The following RNF2 variants were observed in gnomAD, a reference collection of about 807,000 sequenced individuals.
RNF2 encodes the protein E3 ubiquitin-protein ligase RING2.
Under a neutral mutation model 37.2 loss-of-function variants are expected in RNF2, and 6 were observed. That is an observed-to-expected ratio of 0.16 (90% CI 0.09 to 0.32). RNF2 has a LOEUF of 0.32. Among genes scored for constraint, RNF2 ranks in the 10% least tolerant of loss-of-function variants. The pLI is 1.00. For missense variants in RNF2, 251 were observed against 404.0 expected (o/e 0.62, Z 3.25); for synonymous variants, 133 against 132.7 (o/e 1.00, Z -0.02).
At chr1:185,056,279 A>T (rs1441199921) in intron 1 of RNF2, among the ~76,000 whole-genome samples, 1 of 152,016 alleles carries the variant, frequency 6.6e-6, no homozygotes, top group Non-Finnish European at 1.5e-5. Flanking sequence ...GGAATAATTG[A>T]TTTAGGAAAA....
At chr1:185,070,623 G>A (rs1299001781) in intron 1 of RNF2, among the ~76,000 whole-genome samples, 3 of 150,866 alleles carry the variant, frequency 2.0e-5, no homozygotes, top group Non-Finnish European at 4.4e-5. Context: ...TCTGTAGACT[G>A]CAGTATTTTC....
chr1:185,051,028 A>G (rs1266916495), intron 1 of RNF2, among the ~76,000 whole-genome samples: 1 of 152,124 alleles, frequency 6.6e-6, no homozygotes, highest in Non-Finnish European at 1.5e-5. Flanking sequence ...TCTATTCGCT[A>G]TTGCGAAATG....
rs1650087474 is a variant in RNF2, at chr1:185,045,603, C to G, written c.-49C>G. On this transcript the variant is annotated 5_prime_UTR_variant, in exon 1 of 7. Transcript: ENST00000367510. The stretch of plus-strand genomic sequence containing the variant: ...CGTCCGCGGCAGCTGATACCAGAGT[C>G]TTGCTCCGGCCGCGGCCAGCGGAGC... 1 of 152,272 alleles carries G rather than the reference C, an allele frequency of 6.6e-6. No individual in the cohort carries two copies. The highest frequency in any genetic ancestry group is 1.5e-5 in the Non-Finnish European group (1 of 68,112). 9.4% of individuals were successfully genotyped at this position (152,272 alleles called of 1,614,324 possible).
At chr1:185,061,710 A>G (rs577331240) in intron 1 of RNF2, among the ~76,000 whole-genome samples, 3 of 152,230 alleles carry the variant, frequency 2.0e-5, no homozygotes, top group African/African-American at 4.8e-5. Flanking sequence ...AGAGGAAACA[A>G]CTGGTTGCTG....
chr1:185,079,345 A>G (rs1483287314), intron 1 of RNF2, among the ~76,000 whole-genome samples: 1 of 152,190 alleles, frequency 6.6e-6, no homozygotes, highest in Non-Finnish European at 1.5e-5. Flanking sequence ...CCAGACCAGA[A>G]CAAACCAGAA....
chr1:185,070,492 T>C (rs1249733553), intron 1 of RNF2, among the ~76,000 whole-genome samples: 1 of 152,164 alleles, frequency 6.6e-6, no homozygotes, highest in East Asian at 1.9e-4. Flanking sequence ...TGGGAACAAA[T>C]GTATGGCCCA....
intron 1 of RNF2, among the ~76,000 whole-genome samples, chr1:185,076,268 G>GTTTTTTTTTTTTTGTTTT (rs1651152904): frequency 3.7e-5 from 1 of 27,334 alleles, no homozygotes; most frequent in African/African-American, 1.3e-4. Context: ...TTTATGGGTT[G>GTTTTTTTTTTTTTGTTTT]TTTTTTTTTT....
At chr1:185,062,273 A>G (rs1650628865) in intron 1 of RNF2, among the ~76,000 whole-genome samples, 1 of 152,182 alleles carries the variant, frequency 6.6e-6, no homozygotes, top group Non-Finnish European at 1.5e-5. Flanking sequence ...GAATCAGGCA[A>G]TCATTTATTG....
At chr1:185,082,344 A>ATTTTTTTTTTTTTTTTTTTT (rs1557969996) in intron 1 of RNF2, among the ~76,000 whole-genome samples, 1 of 46,832 alleles carries the variant, frequency 2.1e-5, no homozygotes, top group Non-Finnish European at 4.1e-5. Flanking sequence ...CCTCTGCAGA[A>ATTTTTTTTTTTTTTTTTTTT]CTTTTTTTTT....
chr1:185,064,340 T>C (rs981252635), intron 1 of RNF2, among the ~76,000 whole-genome samples: 4 of 152,244 alleles, frequency 2.6e-5, no homozygotes, highest in African/African-American at 9.6e-5. Flanking sequence ...CATAGAATCC[T>C]ACAGAATAGG....
chr1:185,059,482 G>A (rs756096696), intron 1 of RNF2, among the ~76,000 whole-genome samples: 10 of 152,148 alleles, frequency 6.6e-5, no homozygotes, highest in Middle Eastern at 3.2e-3. Flanking sequence ...TCCTTGTAGC[G>A]CAGATGCAAA....
chr1:185,089,952 C>T (rs867543228), intron 2 of RNF2, among the ~76,000 whole-genome samples: 14 of 151,926 alleles, frequency 9.2e-5, no homozygotes, highest in Middle Eastern at 3.4e-3. Context: ...GACAGAGTAT[C>T]GCTCTGTCAC....
chr1:185,082,824 AAAAT>A (rs1651469045), intron 1 of RNF2, among the ~76,000 whole-genome samples: 1 of 152,198 alleles, frequency 6.6e-6, no homozygotes, highest in Non-Finnish European at 1.5e-5. Context: ...TCCATAGTCT[AAAAT>A]AAACATAAAA....
intron 5 of RNF2, among the ~76,000 whole-genome samples, chr1:185,098,815 G>A (rs1019816045): frequency 1.1e-4 from 17 of 150,298 alleles, no homozygotes; most frequent in Admixed American, 5.3e-4. Flanking sequence ...GCAGTGGCGC[G>A]ATCTCGGCTC....
intron 1 of RNF2, among the ~76,000 whole-genome samples, chr1:185,082,345 C>CTTTTTTTTTTTTTTTTTGTTTT (rs1651444826): frequency 1.4e-5 from 1 of 72,000 alleles, no homozygotes. Context: ...CTCTGCAGAA[C>CTTTTTTTTTTTTTTTTTGTTTT]TTTTTTTTTT....
At chr1:185,047,677 T>G (rs1424187225) in intron 1 of RNF2, among the ~76,000 whole-genome samples, 1 of 152,230 alleles carries the variant, frequency 6.6e-6, no homozygotes, top group Non-Finnish European at 1.5e-5. Flanking sequence ...TTATTAAAAT[T>G]ATGGCAGTGT....
chr1:185,090,807 A>G (rs1157916859), intron 2 of RNF2, among the ~76,000 whole-genome samples: 1 of 152,224 alleles, frequency 6.6e-6, no homozygotes, highest in Non-Finnish European at 1.5e-5. Context: ...GTAGTGAACC[A>G]AGTAGGATTC....
intron 1 of RNF2, among the ~76,000 whole-genome samples, chr1:185,057,654 T>G (rs1249940110): frequency 1.3e-5 from 2 of 152,168 alleles, no homozygotes; most frequent in Non-Finnish European, 2.9e-5. Context: ...CCATTTAGGC[T>G]TGAGAATTCT....
At chr1:185,063,922 C>G (rs1424103652) in intron 1 of RNF2, among the ~76,000 whole-genome samples, 1 of 152,138 alleles carries the variant, frequency 6.6e-6, no homozygotes, top group Non-Finnish European at 1.5e-5. Flanking sequence ...CTCTTAAGGA[C>G]CTTTGCAGTT....
Sources: gnomAD v4.1 joint callset for allele counts (sites outside exome capture counted in the v4.1 genomes callset) on GRCh38, gnomAD v4.1.1 for gene constraint, MANE v1.5 for transcripts, NCBI Gene and HGNC (gene_info 2026-07-23, HGNC 2026-07-21) for gene names.